Variants in CLCN5 observed in about 807,000 individuals in gnomAD.
The protein encoded by CLCN5 is H(+)/Cl(-) exchange transporter 5.
In CLCN5, 17 loss-of-function variants were observed where a neutral mutation model predicts 54.0. The observed-to-expected ratio is 0.31, with a 90% CI of 0.22 to 0.47. CLCN5 has a LOEUF of 0.47. Ranked by LOEUF, CLCN5 falls within the 20% of genes least tolerant of loss-of-function variation. CLCN5 has a pLI of 1.00. For synonymous variants in CLCN5, 222 were observed against 233.0 expected (o/e 0.95, Z 0.43); for missense variants, 448 against 646.7 (o/e 0.69, Z 3.33).
intron 4 of CLCN5, among the ~76,000 whole-genome samples, chrX:50,059,688 A>C (rs1217558319): frequency 2.7e-5 from 3 of 109,910 alleles, no homozygotes; most frequent in African/African-American, 9.9e-5. Context: ...CTAAATTGTC[A>C]TTAAATCTTG....
At chrX:49,973,463 A>G (rs1928329384) in intron 3 of CLCN5, among the ~76,000 whole-genome samples, 1 of 108,765 alleles carries the variant, frequency 9.2e-6, no homozygotes, top group South Asian at 3.9e-4. Context: ...TGCTGCACCC[A>G]TTAACTCGTC....
intron 4 of CLCN5, among the ~76,000 whole-genome samples, chrX:50,066,645 C>A (rs782108892): frequency 9.0e-6 from 1 of 111,608 alleles, no homozygotes; most frequent in African/African-American, 3.3e-5. Flanking sequence ...TTAATTAAGA[C>A]CTGCTTTAAA....
intron 3 of CLCN5, among the ~76,000 whole-genome samples, chrX:50,026,461 AGG>A (rs1931394426): frequency 9.0e-6 from 1 of 111,484 alleles, no homozygotes; most frequent in Non-Finnish European, 1.9e-5. Flanking sequence ...TTACTAATAG[AGG>A]GGTGGTGAAG....
intron 3 of CLCN5, among the ~76,000 whole-genome samples, chrX:49,972,237 A>T (rs1418536802): frequency 9.2e-6 from 1 of 108,577 alleles, no homozygotes; most frequent in Non-Finnish European, 1.9e-5. Context: ...GTATGTATTT[A>T]TTGGGAATAG....
intron 3 of CLCN5, among the ~76,000 whole-genome samples, chrX:50,009,351 T>C (rs1930370507): frequency 8.9e-6 from 1 of 112,089 alleles, no homozygotes; most frequent in Admixed American, 9.4e-5. Flanking sequence ...GCTTATAGTT[T>C]ACCAGAGAAA....
chrX:50,073,282 T>A (rs1557191712), intron 6 of CLCN5, among the ~76,000 whole-genome samples: 1 of 111,722 alleles, frequency 9.0e-6, no homozygotes, highest in Non-Finnish European at 1.9e-5. Flanking sequence ...CATTAAAGGA[T>A]AGGGCCTAGG....
chrX:50,043,638 T>C (rs191665402), intron 4 of CLCN5, among the ~76,000 whole-genome samples: 1 of 112,169 alleles, frequency 8.9e-6, no homozygotes, highest in East Asian at 2.8e-4. Flanking sequence ...TTATTTGTTT[T>C]TATTTCTTTA....
At chrX:50,029,716 A>G (rs1489332391) in intron 3 of CLCN5, among the ~76,000 whole-genome samples, 1 of 112,016 alleles carries the variant, frequency 8.9e-6, no homozygotes, top group Non-Finnish European at 1.9e-5. Context: ...AATGGCAATC[A>G]TTAAAAAGTC....
At chrX:50,063,817 A>C (rs1238976931) in intron 4 of CLCN5, among the ~76,000 whole-genome samples, 1 of 111,387 alleles carries the variant, frequency 9.0e-6, no homozygotes, top group Non-Finnish European at 1.9e-5. Context: ...CACCATGATC[A>C]AGTGGGCGTC....
At chrX:50,008,923 CA>C (rs1374374924) in intron 3 of CLCN5, 2 of 381,023 alleles carry the variant, frequency 5.2e-6, no homozygotes, top group South Asian at 2.4e-5. Flanking sequence ...TACAAACACA[CA>C]AAAAGGGCAG....
At chrX:50,029,989 A>G (rs1175738594) in intron 3 of CLCN5, among the ~76,000 whole-genome samples, 3 of 112,387 alleles carry the variant, frequency 2.7e-5, no homozygotes, top group East Asian at 2.8e-4. Context: ...CCCCAGTGCC[A>G]TAAGGTTTTG....
rs989779496 is a variant in CLCN5 at position 49,933,048 on chromosome X, C to G, written c.16+7734C>G. ...TGGCTTGCTAATTGGACCACTATCA[C>G]CTAAGAGAAGCCATCTGGTCCTGCT... On this transcript the variant is annotated intron_variant, in intron 3 of 14. Coordinates refer to ENST00000376091, the MANE Select transcript of CLCN5 (RefSeq NM_001127898.4). Among the ~76,000 whole-genome samples, 38 of 110,597 alleles carry G rather than the reference C, an allele frequency of 3.4e-4. No individual in the cohort carries two copies. The Admixed American group carries it at 3.7e-3, about 11-fold the overall frequency.
At chrX:50,062,838 C>T (rs1200677218) in intron 4 of CLCN5, among the ~76,000 whole-genome samples, 24 of 104,662 alleles carry the variant, frequency 2.3e-4, no homozygotes, top group African/African-American at 8.6e-4. Flanking sequence ...CAAACTAGAA[C>T]TCAGGATTAA....
intron 3 of CLCN5, among the ~76,000 whole-genome samples, chrX:50,001,810 G>T (rs1449576129): frequency 9.0e-6 from 1 of 110,572 alleles, no homozygotes; most frequent in African/African-American, 3.3e-5. Flanking sequence ...ATTTACTCTT[G>T]AAAACCCTCC....
At chrX:50,034,027 A>C (rs782458686) in intron 3 of CLCN5, among the ~76,000 whole-genome samples, 68 of 112,254 alleles carry the variant, frequency 6.1e-4, no homozygotes, top group Non-Finnish European at 7.1e-4. Context: ...GAAATGTCTG[A>C]AATTCTAACA....
rs191252859 is a variant in CLCN5 at position 49,981,746 on chromosome X, T to G, written c.16+56432T>G. 2.0e-3 allele frequency among the ~76,000 whole-genome samples: 218 copies of G among 109,297 alleles called. 5 individuals carry two copies. Among genetic ancestry groups the G allele is most frequent in the Middle Eastern group, 4.6e-3 (1 of 216 alleles). 94.9% of individuals were successfully genotyped at this position (109,297 alleles called of 115,157 possible). A position where few individuals can be genotyped will look rare whatever the true frequency, so the allele number is the denominator to read the frequency against. ...CAAAAGAACTCAGAGAATAATGTATTTGGACTACAATTAATTGTGTATAAG... is the reference window on the plus strand; with the variant it reads ...CAAAAGAACTCAGAGAATAATGTATGTGGACTACAATTAATTGTGTATAAG... On this transcript the variant is annotated intron_variant, in intron 3 of 14. Coordinates refer to ENST00000376091, the MANE Select transcript of CLCN5 (RefSeq NM_001127898.4).
At position 49,990,172 on chromosome X, in the gene CLCN5, A is replaced by AT. The variant is rs1267837771; in HGVS notation, c.17-52132dup. 5.2e-4 allele frequency among the ~76,000 whole-genome samples: 55 copies of AT among 104,804 alleles called. No homozygotes were observed. In the South Asian group the frequency reaches 8.3e-3, roughly 16 times the overall value. The allele number at this position is 104,804 out of a possible 115,157, so 91.0% of individuals were successfully genotyped here. A position where few individuals can be genotyped will look rare whatever the true frequency, so the allele number is the denominator to read the frequency against. On this transcript the variant is annotated intron_variant, in intron 3 of 14. Coordinates refer to ENST00000376091, the MANE Select transcript of CLCN5 (RefSeq NM_001127898.4). ...CAGGTGGCATTTGGTAATGTGGATAATTTTTTTTTTTTAACAGAGTCTCGC... is the reference window on the plus strand; with the variant it reads ...CAGGTGGCATTTGGTAATGTGGATAATTTTTTTTTTTTTAACAGAGTCTCGC...
At chrX:49,988,012 G>A (rs58018641) in intron 3 of CLCN5, among the ~76,000 whole-genome samples, 6,733 of 110,726 alleles carry the variant, frequency 0.061, 553 homozygotes, top group African/African-American at 0.21. Flanking sequence ...TGACACTGCC[G>A]AAAAACTCCT....
chrX:50,060,310 C>T (rs1203376756), intron 4 of CLCN5, among the ~76,000 whole-genome samples: 1 of 110,120 alleles, frequency 9.1e-6, no homozygotes, highest in East Asian at 2.9e-4. Context: ...GCACCGTGCG[C>T]GAGCTGAAGC....
Sources: allele counts gnomAD v4.1 joint callset (sites outside exome capture counted in the v4.1 genomes callset), GRCh38; gene constraint gnomAD v4.1.1; transcripts MANE v1.5; gene names NCBI Gene and HGNC (gene_info 2026-07-23, HGNC 2026-07-21).